Variants in SLCO1B3 observed in about 807,000 individuals in gnomAD.
SLCO1B3 encodes solute carrier organic anion transporter family member 1B3.
In SLCO1B3, 72 loss-of-function variants were observed where a neutral mutation model predicts 71.8. The observed-to-expected ratio is 1.00, with a 90% CI of 0.83 to 1.22. SLCO1B3 has a LOEUF of 1.22. Among genes scored for constraint, SLCO1B3 ranks in the 50% most tolerant of loss-of-function variants. The pLI is 0.00. For missense variants in SLCO1B3, 911 were observed against 819.7 expected, an observed-to-expected ratio of 1.11 and a Z score of -1.36; for synonymous variants, 298 against 278.4, an observed-to-expected ratio of 1.07 and a Z score of -0.70.
intron 3 of SLCO1B3, among the ~76,000 whole-genome samples, chr12:20,833,345 C>G (rs1379708338): frequency 6.6e-6 from 1 of 151,576 alleles, no homozygotes; most frequent in African/African-American, 2.4e-5. Context: ...AGGGTCATTA[C>G]TCTACCTAAG....
chr12:20,854,650 G>A (rs1044975907), intron 3 of SLCO1B3, among the ~76,000 whole-genome samples: 2 of 152,142 alleles, frequency 1.3e-5, no homozygotes, highest in Non-Finnish European at 2.9e-5. Flanking sequence ...TGCTACTCCT[G>A]CATGCACTGC....
intron 3 of SLCO1B3, among the ~76,000 whole-genome samples, chr12:20,829,422 A>G (rs1420619120): frequency 2.0e-5 from 3 of 152,226 alleles, no homozygotes; most frequent in East Asian, 1.9e-4. Context: ...CTCCTTCATC[A>G]TCATGGAGCA....
chr12:20,858,934 A>G (rs1370704063), intron 5 of SLCO1B3: 1 of 155,438 alleles, frequency 6.4e-6, no homozygotes, highest in East Asian at 1.9e-4. Context: ...GCTGCTGTAC[A>G]GGTTTTCCCA....
rs190602687 is a variant in SLCO1B3, at chr12:20,905,719, C to T, written c.1865+4252C>T. Among the ~76,000 whole-genome samples, 89 of 152,286 alleles carry T rather than the reference C, an allele frequency of 5.8e-4. 1 individual carries two copies. Among genetic ancestry groups the T allele is most frequent in the African/African-American group, 2.1e-3 (88 of 41,544 alleles). On this transcript the variant is annotated intron_variant, in intron 15 of 15. Transcript: ENST00000381545. ...CTGAGACAATCCTGAACTTCATTGT[C>T]CATATCACTAGCAGCATTTTGGTCA...
chr12:20,856,813 G>A (rs1865149621), intron 4 of SLCO1B3, among the ~76,000 whole-genome samples: 1 of 152,136 alleles, frequency 6.6e-6, no homozygotes, highest in South Asian at 2.1e-4. Context: ...GCTAGCCTCA[G>A]CCTTTCAGAG....
intron 4 of SLCO1B3, among the ~76,000 whole-genome samples, chr12:20,858,163 G>A (rs1356760070): frequency 1.3e-5 from 2 of 151,858 alleles, no homozygotes; most frequent in Non-Finnish European, 2.9e-5. Flanking sequence ...ATGCAATCCA[G>A]TAAACTCCAA....
intron 13 of SLCO1B3, among the ~76,000 whole-genome samples, 164 bp downstream of exon 13, chr12:20,883,766 A>T (rs532378203): frequency 5.9e-5 from 9 of 151,922 alleles, no homozygotes; most frequent in African/African-American, 1.2e-4. Flanking sequence ...TAACATCATT[A>T]ATAATTTTTG....
At chr12:20,866,715 A>T (rs1865379031) in intron 8 of SLCO1B3, among the ~76,000 whole-genome samples, 2 of 108,676 alleles carry the variant, frequency 1.8e-5, no homozygotes, top group South Asian at 9.5e-4. Context: ...TAATCCGATG[A>T]AAGTGCCCTA....
chr12:20,851,494 G>C (rs925314391), intron 3 of SLCO1B3, among the ~76,000 whole-genome samples: 1 of 152,052 alleles, frequency 6.6e-6, no homozygotes, highest in African/African-American at 2.4e-5. Flanking sequence ...CAAGTCCTTT[G>C]TCCATTTTTT....
At chr12:20,871,170 G>A (rs1865468298) in intron 8 of SLCO1B3, among the ~76,000 whole-genome samples, 2 of 151,920 alleles carry the variant, frequency 1.3e-5, no homozygotes, top group South Asian at 4.2e-4. Flanking sequence ...GTTTGATTTT[G>A]GTATCAGGGT....
At chr12:20,832,311 C>T (rs901975799) in intron 3 of SLCO1B3, among the ~76,000 whole-genome samples, 5 of 152,064 alleles carry the variant, frequency 3.3e-5, no homozygotes, top group East Asian at 1.9e-4. Context: ...TTAAATAAAA[C>T]GACACACTTT....
At chr12:20,884,027 A>G (rs1282583427) in intron 13 of SLCO1B3, among the ~76,000 whole-genome samples, 2 of 152,198 alleles carry the variant, frequency 1.3e-5, no homozygotes, top group Non-Finnish European at 2.9e-5. Context: ...TGAAATTCTA[A>G]TGCTTTCAAT....
At chr12:20,872,455 A>T (rs1343368763) in intron 8 of SLCO1B3, among the ~76,000 whole-genome samples, 1 of 151,944 alleles carries the variant, frequency 6.6e-6, no homozygotes, top group Admixed American at 6.6e-5. Flanking sequence ...AAGGTGCAAG[A>T]CAAAGTCGCC....
intron 3 of SLCO1B3, among the ~76,000 whole-genome samples, chr12:20,844,197 G>C (rs1864860174): frequency 1.3e-5 from 2 of 151,708 alleles, no homozygotes; most frequent in Admixed American, 1.3e-4. Context: ...TAAACTTAAA[G>C]ATATTTATAT....
chr12:20,820,951 C>G (rs12822412), intron 3 of SLCO1B3, among the ~76,000 whole-genome samples: 22,688 of 151,966 alleles, frequency 0.15, 1,888 homozygotes, highest in African/African-American at 0.23. Flanking sequence ...TGGAACAAAA[C>G]TGTAAGCCGG....
intron 3 of SLCO1B3, among the ~76,000 whole-genome samples, chr12:20,836,346 A>G (rs1019836118): frequency 3.9e-5 from 6 of 152,182 alleles, no homozygotes; most frequent in African/African-American, 1.4e-4. Context: ...AATAAATCCC[A>G]TTTGATCATG....
At chr12:20,874,552 A>G (rs919158656) in intron 8 of SLCO1B3, among the ~76,000 whole-genome samples, 8 of 152,174 alleles carry the variant, frequency 5.3e-5, no homozygotes, top group Non-Finnish European at 1.0e-4. Context: ...TTTTCTACCT[A>G]CTAAAATAAC....
intron 13 of SLCO1B3, among the ~76,000 whole-genome samples, chr12:20,887,785 A>G (rs1288187509): frequency 6.6e-6 from 1 of 151,646 alleles, no homozygotes; most frequent in Non-Finnish European, 1.5e-5. Context: ...GGGTGTAGTC[A>G]TAATTTCTTT....
rs1865557824 is a variant in SLCO1B3 at position 20,875,343 on chromosome 12, T to C, written c.836T>C (p.Leu279Ser). Residue 279 changes from leucine to serine, a missense_variant, in exon 9 of 16, where the codon TTG becomes TCG. Physicochemically the swap from Leu to Ser is moderately radical, Grantham distance 145. Coordinates refer to ENST00000381545, the MANE Select transcript of SLCO1B3 (RefSeq NM_019844.4). Reference sequence around the variant, plus strand: ...ATTTCTTCCATACCATTTTTTTTCTTGCCGAAAAATCCAAATAAACCACAA... The same window carrying C: ...ATTTCTTCCATACCATTTTTTTTCTCGCCGAAAAATCCAAATAAACCACAA... The part of the protein sequence containing the change: ...SIISSIPFFF[L>S]PKNPNKPQKE... 6.2e-7 allele frequency: 1 copy of C among 1,613,324 alleles called. No individual in the cohort carries two copies. The highest frequency in any genetic ancestry group is 1.3e-5 in the African/African-American group (1 of 74,860).
Sources: allele counts gnomAD v4.1 joint callset (sites outside exome capture counted in the v4.1 genomes callset), GRCh38; gene constraint gnomAD v4.1.1; transcripts MANE v1.5; gene names NCBI Gene and HGNC (gene_info 2026-07-23, HGNC 2026-07-21).